Variants in GOLPH3L observed in about 807,000 individuals in gnomAD.
GOLPH3L encodes golgi phosphoprotein 3 like.
A neutral mutation model predicts 30.3 loss-of-function variants in GOLPH3L; 22 were observed. The ratio of observed to expected loss-of-function variants is 0.73; its 90% CI spans 0.52 to 1.04. The LOEUF (loss-of-function observed/expected upper bound fraction) is 1.04. Among genes scored for constraint, GOLPH3L ranks in the 50% least tolerant of loss-of-function variants. GOLPH3L has a pLI of 0.00. For synonymous variants in GOLPH3L, 120 were observed against 128.2 expected (o/e 0.94, Z 0.43); for missense variants, 303 against 345.8 (o/e 0.88, Z 0.98).
chr1:150,665,153 C>A (rs189254536), intron 2 of GOLPH3L, among the ~76,000 whole-genome samples: 1 of 152,174 alleles, frequency 6.6e-6, no homozygotes, highest in East Asian at 1.9e-4. Flanking sequence ...ATCTTCACAA[C>A]AACCCTATAA....
chr1:150,667,595 CTTTT>C (rs200372559), intron 2 of GOLPH3L, among the ~76,000 whole-genome samples: 7 of 134,424 alleles, frequency 5.2e-5, no homozygotes, highest in Admixed American at 1.5e-4. Flanking sequence ...TTTTTTCTTT[CTTTT>C]TTTTTTTTTT....
chr1:150,648,695 G>T lies in GOLPH3L; in HGVS notation c.484C>A (p.Arg162Ser). 1.2e-6 allele frequency: 2 copies of T among 1,611,960 alleles called. No individual in the cohort carries two copies. The change falls in exon 5 of 5, where the codon CGC becomes AGC. Residue 162 changes from arginine to serine, a missense_variant. Physicochemically the swap from Arg to Ser is moderately radical, Grantham distance 110. Coordinates refer to ENST00000271732, the MANE Select transcript of GOLPH3L (RefSeq NM_018178.6). ...LQYQLRNVRE[R>S]IAKNLVEKGI... ...TTCTCTACTAGGTTCTTTGCGATGC[G>T]CTCTCGTACATTTCTCAGCTGGTAC...
intron 2 of GOLPH3L, 84 bp from the exon 3 acceptor site, chr1:150,663,847 G>T: frequency 8.8e-7 from 1 of 1,130,868 alleles, no homozygotes; most frequent in Non-Finnish European, 1.3e-6. Context: ...AGGCCGCTTT[G>T]TTGTGATTCG....
intron 2 of GOLPH3L, among the ~76,000 whole-genome samples, chr1:150,692,222 T>C (rs774999128): frequency 1.3e-5 from 2 of 152,212 alleles, no homozygotes; most frequent in Non-Finnish European, 2.9e-5. Flanking sequence ...ACTGGCCTTT[T>C]GTAACTACTA....
intron 2 of GOLPH3L, among the ~76,000 whole-genome samples, chr1:150,674,323 T>A (rs1043293684): frequency 1.3e-5 from 2 of 151,716 alleles, no homozygotes; most frequent in Non-Finnish European, 2.9e-5. Context: ...TGCAGTGGCA[T>A]GATCTTGGCT....
rs114746778 is a variant in GOLPH3L, at chr1:150,682,281, T to C, written c.183+12375A>G. Reference sequence around the variant, plus strand: ...GAGTTTTGACAAAAGCATATATCCATGTTATCTCACACCCCAAGCAAGATC... The same window carrying C: ...GAGTTTTGACAAAAGCATATATCCACGTTATCTCACACCCCAAGCAAGATC... On this transcript the variant is annotated intron_variant, in intron 2 of 4. Transcript: ENST00000271732. Among the ~76,000 whole-genome samples, 864 of 152,112 alleles carry C rather than the reference T, an allele frequency of 5.7e-3. 11 individuals carry two copies. The highest frequency in any genetic ancestry group is 0.019 in the African/African-American group (809 of 41,508).
At chr1:150,674,213 G>A (rs765689037) in intron 2 of GOLPH3L, among the ~76,000 whole-genome samples, 25 of 151,456 alleles carry the variant, frequency 1.7e-4, no homozygotes, top group Non-Finnish European at 2.9e-4. Context: ...GTTAATAAGA[G>A]CAAAATAAAC....
At chr1:150,670,007 T>A (rs587691132) in intron 2 of GOLPH3L, among the ~76,000 whole-genome samples, 5 of 149,062 alleles carry the variant, frequency 3.4e-5, no homozygotes, top group African/African-American at 7.4e-5. Context: ...AGGACTGTAA[T>A]CCCAGCATTT....
At chr1:150,663,934 T>A (rs751206917) in intron 2 of GOLPH3L, among the ~76,000 whole-genome samples, 171 bp from the exon 3 acceptor site, 7 of 152,338 alleles carry the variant, frequency 4.6e-5, no homozygotes, top group Non-Finnish European at 8.8e-5. Flanking sequence ...CCCCCAAATA[T>A]GATTTTCTGT....
Position 150,647,244 on chromosome 1 carries a change from C to T in GOLPH3L, c.*1077G>A, listed in dbSNP as rs1266532387. On this transcript the variant is annotated 3_prime_UTR_variant, in exon 5 of 5. Coordinates refer to ENST00000271732, the MANE Select transcript of GOLPH3L (RefSeq NM_018178.6). ...GGGTGCAGTGGCTCAAGCCAGTAAT[C>T]TCAGCACTTTGGGAGGCTGAGGTGG... is the stretch of plus-strand genomic sequence containing the variant. The T allele has an allele frequency of 6.6e-6, 1 of 152,240 alleles. No individual in the cohort carries two copies. The highest frequency in any genetic ancestry group is 1.5e-5 in the Non-Finnish European group (1 of 68,116). The allele number at this position is 152,240 out of a possible 1,614,324, so 9.4% of individuals were successfully genotyped here. A position where few individuals can be genotyped will look rare whatever the true frequency, so the allele number is the denominator to read the frequency against.
chr1:150,694,047 C>G, intron 2 of GOLPH3L: 1 of 332,278 alleles, frequency 3.0e-6, no homozygotes, highest in Non-Finnish European at 6.1e-6. Flanking sequence ...TTAGTAGAGA[C>G]GGGGTTTCAC....
At chr1:150,651,642 C>CAAAAAAAAAAAAAAAAA (rs59940841) in intron 4 of GOLPH3L, among the ~76,000 whole-genome samples, 10 of 60,824 alleles carry the variant, frequency 1.6e-4, no homozygotes, top group East Asian at 4.6e-4. Flanking sequence ...GAGCGAAACT[C>CAAAAAAAAAAAAAAAAA]AAAAAAAAAA....
At chr1:150,676,934 C>T (rs912617761) in intron 2 of GOLPH3L, among the ~76,000 whole-genome samples, 4 of 151,936 alleles carry the variant, frequency 2.6e-5, no homozygotes, top group South Asian at 2.1e-4. Context: ...CGTGAGCCAC[C>T]GTGCCCAGCC....
intron 2 of GOLPH3L, among the ~76,000 whole-genome samples, chr1:150,678,780 C>A (rs1303261601): frequency 6.6e-6 from 1 of 152,040 alleles, no homozygotes; most frequent in Non-Finnish European, 1.5e-5. Flanking sequence ...CATGGTGAAA[C>A]CCCATCTCTA....
chr1:150,653,401 T>C (rs1035978738), intron 4 of GOLPH3L, among the ~76,000 whole-genome samples: 1 of 150,564 alleles, frequency 6.6e-6, no homozygotes, highest in African/African-American at 2.4e-5. Context: ...GTTCAAGTGA[T>C]TCTCCTGCCT....
intron 2 of GOLPH3L, among the ~76,000 whole-genome samples, chr1:150,692,345 A>G (rs897097004): frequency 1.2e-4 from 19 of 152,176 alleles, no homozygotes; most frequent in African/African-American, 4.6e-4. Context: ...AACTATCCTC[A>G]AAAATAAAAT....
At chr1:150,651,238 G>T (rs1650097127) in intron 4 of GOLPH3L, among the ~76,000 whole-genome samples, 1 of 151,962 alleles carries the variant, frequency 6.6e-6, no homozygotes. Context: ...GCTTGAACCT[G>T]GGAGGTGGAG....
chr1:150,665,037 G>A (rs1219099500), intron 2 of GOLPH3L, among the ~76,000 whole-genome samples: 9 of 151,982 alleles, frequency 5.9e-5, no homozygotes, highest in African/African-American at 2.2e-4. Flanking sequence ...CAGCAGTAAC[G>A]TTTAATTACT....
intron 2 of GOLPH3L, among the ~76,000 whole-genome samples, chr1:150,689,541 C>G (rs1339778041): frequency 6.6e-6 from 1 of 152,160 alleles, no homozygotes; most frequent in African/African-American, 2.4e-5. Context: ...TGTTATTGAA[C>G]TGAGATAGTA....
Sources: gnomAD v4.1 joint callset for allele counts (sites outside exome capture counted in the v4.1 genomes callset) on GRCh38, gnomAD v4.1.1 for gene constraint, MANE v1.5 for transcripts, NCBI Gene and HGNC (gene_info 2026-07-23, HGNC 2026-07-21) for gene names.